MDGA1: variants seen among roughly 807,000 people sequenced by gnomAD.
The protein encoded by MDGA1 is MAM domain containing glycosylphosphatidylinositol anchor 1.
Under a neutral mutation model 101.5 loss-of-function variants are expected in MDGA1, and 54 were observed. The ratio of observed to expected loss-of-function variants is 0.53; its 90% CI spans 0.43 to 0.67. The LOEUF is 0.67. MDGA1 is among the 30% of genes least tolerant of loss of function. MDGA1 has a pLI of 0.00. For missense variants in MDGA1, 1,083 were observed against 1,323.8 expected, an observed-to-expected ratio of 0.82 and a Z score of 2.82; for synonymous variants, 533 against 558.3, an observed-to-expected ratio of 0.95 and a Z score of 0.64.
chr6:37,658,178 T>C, intron 3 of MDGA1, 67 bp downstream of exon 3: 1 of 1,457,346 alleles, frequency 6.9e-7, no homozygotes, highest in Non-Finnish European at 9.1e-7. Flanking sequence ...CCTCACCTCA[T>C]CCCTGGGGCG....
chr6:37,662,835 G>C (rs1761657902), intron 2 of MDGA1, among the ~76,000 whole-genome samples: 1 of 152,148 alleles, frequency 6.6e-6, no homozygotes, highest in African/African-American at 2.4e-5. Flanking sequence ...GACACACACA[G>C]ATGGCCAGTG....
intron 1 of MDGA1, among the ~76,000 whole-genome samples, chr6:37,669,987 G>A (rs1761835331): frequency 6.6e-6 from 1 of 152,174 alleles, no homozygotes; most frequent in African/African-American, 2.4e-5. Context: ...GGAGAGGAAA[G>A]GTCTGCTTTA....
chr6:37,651,312 A>G (rs1443046999), intron 7 of MDGA1, among the ~76,000 whole-genome samples: 2 of 152,250 alleles, frequency 1.3e-5, no homozygotes, highest in African/African-American at 4.8e-5. Context: ...GAAGACTTCC[A>G]TGAGTCCCAT....
At chr6:37,661,990 GA>G (rs35222857) in intron 2 of MDGA1, among the ~76,000 whole-genome samples, 131,075 of 145,702 alleles carry the variant, frequency 0.9, 58,974 homozygotes, top group East Asian at 0.99. Flanking sequence ...ACCTGTCTCT[GA>G]AAAAAAAAAA....
chr6:37,661,677 G>T (rs1161758658), intron 2 of MDGA1, among the ~76,000 whole-genome samples: 1 of 152,216 alleles, frequency 6.6e-6, no homozygotes, highest in Non-Finnish European at 1.5e-5. Context: ...GGTGTGAGGA[G>T]GGTGGCAGTG....
chr6:37,678,346 T>A (rs1370174532), intron 1 of MDGA1, among the ~76,000 whole-genome samples: 1 of 152,168 alleles, frequency 6.6e-6, no homozygotes, highest in African/African-American at 2.4e-5. Context: ...CCCCCTGCGA[T>A]GCCACCCTAG....
Position 37,652,190 on chromosome 6 carries a change from G to A in MDGA1, c.1133C>T (p.Ala378Val). 6.2e-7 allele frequency: 1 copy of A among 1,614,038 alleles called. No homozygotes were observed. Among genetic ancestry groups the A allele is most frequent in the Non-Finnish European group, 8.5e-7 (1 of 1,179,902 alleles). ...CACCAGCAGCCGCTTGGACATGCGT[G>A]CCGGCTTGCCATTCTTGAACCACTG... Reference protein sequence around the residue: ...TYQWFKNGKPARMSKRLLVTR... With the variant: ...TYQWFKNGKPVRMSKRLLVTR... Residue 378 changes from alanine to valine, a missense_variant, in exon 7 of 17, where the codon GCA becomes GTA. Ala to Val is a moderately conservative substitution (Grantham distance 64). Transcript: ENST00000434837. The surrounding 1 kb of genome is among the most constrained non-coding windows in gnomAD (Gnocchi z 4.3).
At chr6:37,678,798 C>G (rs559045674) in intron 1 of MDGA1, among the ~76,000 whole-genome samples, 2 of 151,822 alleles carry the variant, frequency 1.3e-5, no homozygotes, top group African/African-American at 4.8e-5. Context: ...ACAGCCCGCC[C>G]GCCCCCACCT....
At position 37,649,198 on chromosome 6, in the gene MDGA1, A is replaced by G; in HGVS notation, c.1678T>C (p.Cys560Arg). Residue 560 changes from cysteine (C) to arginine (R), a missense_variant, in exon 9 of 17, where the codon TGC (cysteine) becomes CGC (arginine). Around this residue, in one of 3 missense-constraint regions of MDGA1, gnomAD observed 657 missense variants for 771.4 expected, o/e 0.85. Transcript: ENST00000434837. ...QALGRPVLLR[C>R]SLLRGSPQRI... ...TGGGGGCTGCCTCGCAGCAGCGAGC[A>G]GCGCAGGAGCACGGGCCGGCCCAGC... The G allele has an allele frequency of 2.0e-6, 3 of 1,501,096 alleles. No homozygotes were observed. The highest frequency in any genetic ancestry group is 2.6e-6 in the Non-Finnish European group (3 of 1,133,832). 93.0% of individuals were successfully genotyped at this position (1,501,096 alleles called of 1,614,324 possible). A position where few individuals can be genotyped will look rare whatever the true frequency, so the allele number is the denominator to read the frequency against.
chr6:37,633,057 G>A lies in MDGA1; in HGVS notation c.*4311C>T, dbSNP rs554549679. The stretch of plus-strand genomic sequence containing the variant: ...CAGGCAACAAGAGGGCAAGGGGTGG[G>A]GTGGGCAGATGCCATCCCTCTGGAC... On this transcript the variant is annotated 3_prime_UTR_variant, in exon 17 of 17. Coordinates refer to ENST00000434837, the MANE Select transcript of MDGA1 (RefSeq NM_153487.4). 29 of 152,278 alleles carry A rather than the reference G, an allele frequency of 1.9e-4. No individual in the cohort carries two copies. The highest frequency in any genetic ancestry group is 6.7e-4 in the African/African-American group (28 of 41,500). The allele number at this position is 152,278 out of a possible 1,614,324, so 9.4% of individuals were successfully genotyped here.
chr6:37,685,223 C>T (rs1038446859), intron 1 of MDGA1, among the ~76,000 whole-genome samples: 6 of 151,650 alleles, frequency 4.0e-5, no homozygotes, highest in South Asian at 4.2e-4. Flanking sequence ...ACCCAGGAGA[C>T]GGAGAATGCA....
At chr6:37,640,576 A>T (rs1194706227) in intron 14 of MDGA1, among the ~76,000 whole-genome samples, 1 of 152,072 alleles carries the variant, frequency 6.6e-6, no homozygotes, top group Non-Finnish European at 1.5e-5. Context: ...CCTGGCCTCC[A>T]AAAGCACTGG....
chr6:37,661,897 G>A lies in MDGA1; in HGVS notation c.207+2070C>T, dbSNP rs185197237. 2.0e-3 allele frequency among the ~76,000 whole-genome samples: 309 copies of A among 152,148 alleles called. 1 individual carries two copies. The highest frequency in any genetic ancestry group is 1.9e-3 in the Non-Finnish European group (128 of 68,004). The stretch of plus-strand genomic sequence containing the variant: ...GGGCTGGGTGCAATGGCTCATGCCC[G>A]TAATCCCCGCACTTTGAGAGGCTGA... On this transcript the variant is annotated intron_variant, in intron 2 of 16. Transcript: ENST00000434837.
At chr6:37,657,790 G>A (rs907768596) in intron 3 of MDGA1, among the ~76,000 whole-genome samples, 3 of 152,162 alleles carry the variant, frequency 2.0e-5, no homozygotes, top group African/African-American at 7.2e-5. Flanking sequence ...TAGGACCTGG[G>A]GAGTGGGGCT....
At chr6:37,680,850 G>T (rs966369569) in intron 1 of MDGA1, among the ~76,000 whole-genome samples, 1 of 152,246 alleles carries the variant, frequency 6.6e-6, no homozygotes, top group Non-Finnish European at 1.5e-5. Context: ...GCAGGCCCCA[G>T]TGCCTGGGAG....
intron 7 of MDGA1, among the ~76,000 whole-genome samples, chr6:37,650,837 T>C (rs942880126): frequency 6.6e-6 from 1 of 152,196 alleles, no homozygotes; most frequent in South Asian, 2.1e-4. Context: ...TCCTAAGTAA[T>C]AGGATACCTA....
intron 1 of MDGA1, among the ~76,000 whole-genome samples, chr6:37,670,190 T>C (rs1761838284): frequency 6.6e-6 from 1 of 152,180 alleles, no homozygotes. Flanking sequence ...TAATGCAATA[T>C]ATGTAAAACA....
At chr6:37,663,729 A>C (rs1353878850) in intron 2 of MDGA1, among the ~76,000 whole-genome samples, 1 of 152,228 alleles carries the variant, frequency 6.6e-6, no homozygotes, top group Non-Finnish European at 1.5e-5. Flanking sequence ...GGAATTGAAC[A>C]ACCGGCATTC....
In MDGA1 at chr6:37,696,787, G is replaced by A. The variant is rs193136982; in HGVS notation, c.25C>T (p.Leu9=). The A allele has an allele frequency of 0.014, 21,661 of 1,582,136 alleles. 201 individuals are homozygous for A. The highest frequency in any genetic ancestry group is 0.016 in the Non-Finnish European group (19,066 of 1,163,490). Residue 9 remains leucine (L), a synonymous_variant, in exon 1 of 17, where the codon CTG becomes TTG. Coordinates refer to ENST00000434837, the MANE Select transcript of MDGA1 (RefSeq NM_153487.4). This position sits in a 1 kb window ranked among gnomAD's most constrained non-coding sequence, Gnocchi z 5.6. The stretch of plus-strand genomic sequence containing the variant: ...CGGCAGTGGAAGGGGATCAGCGCCA[G>A]AAGTAGAAGGCAGGTCACCTCCATC... The part of the protein sequence containing the change: MEVTCLLL[L]ALIPFHCRGQ...
Sources: allele counts gnomAD v4.1 joint callset (sites outside exome capture counted in the v4.1 genomes callset), GRCh38; gene constraint gnomAD v4.1.1; regional missense constraint gnomAD v4.1.1; non-coding constraint Gnocchi (gnomAD v3.1); transcripts MANE v1.5; gene names NCBI Gene and HGNC (gene_info 2026-07-23, HGNC 2026-07-21).